The following RWDD2B variants were observed in gnomAD, a reference collection of about 807,000 sequenced individuals.
The protein encoded by RWDD2B is RWD domain-containing protein 2B.
A neutral mutation model predicts 33.6 loss-of-function variants in RWDD2B; 36 were observed. That is an observed-to-expected ratio of 1.07 (90% confidence interval 0.82 to 1.42). The LOEUF is 1.42. Ranked by LOEUF, RWDD2B falls within the 40% of genes most tolerant of loss-of-function variation. The probability of loss-of-function intolerance (pLI) is 0.00; values close to 1 mark genes in which losing one functional copy is unlikely to be tolerated. For missense variants in RWDD2B, 364 were observed against 377.5 expected (o/e 0.96, Z 0.30); for synonymous variants, 126 against 133.1 (o/e 0.95, Z 0.37).
Position 29,008,126 on chromosome 21 carries a change from A to G in RWDD2B, c.363-3T>C. The G allele has an allele frequency of 1.2e-6, 2 of 1,611,048 alleles. No homozygotes were observed. The highest frequency in any genetic ancestry group is 8.5e-7 in the Non-Finnish European group (1 of 1,178,594). ...GGGATCTACTCAATAATACTGATCT[A>G]ATAGAAAAGATACAAGAAAAATATT... On this transcript the variant is annotated splice_polypyrimidine_tract_variant and splice_region_variant and intron_variant, in intron 3 of 4. Transcript: ENST00000493196.
intron 1 of RWDD2B, among the ~76,000 whole-genome samples, chr21:29,010,435 T>C (rs1451693901): frequency 6.6e-6 from 1 of 151,046 alleles, no homozygotes; most frequent in Non-Finnish European, 1.5e-5. Flanking sequence ...AACGAAACCC[T>C]GTCTCTACTA....
At chr21:29,010,027 T>C (rs1206132923) in intron 1 of RWDD2B, among the ~76,000 whole-genome samples, 1 of 152,186 alleles carries the variant, frequency 6.6e-6, no homozygotes, top group Non-Finnish European at 1.5e-5. Flanking sequence ...AGATATGCCA[T>C]AACTTATTTA....
chr21:29,011,874 C>G, intron 1 of RWDD2B, among the ~76,000 whole-genome samples: 1 of 129,930 alleles, frequency 7.7e-6, no homozygotes. Flanking sequence ...GGCCAGCCGC[C>G]CCGTCCGGGA....
At chr21:29,016,286 C>T (rs899346159) in intron 1 of RWDD2B, among the ~76,000 whole-genome samples, 6 of 151,340 alleles carry the variant, frequency 4.0e-5, no homozygotes, top group Non-Finnish European at 5.9e-5. Context: ...TTTTTTGAGA[C>T]GGAGTTTCGC....
chr21:29,011,989 T>TG (rs1292951881), intron 1 of RWDD2B, among the ~76,000 whole-genome samples: 3 of 107,556 alleles, frequency 2.8e-5, no homozygotes, highest in African/African-American at 3.8e-5. Flanking sequence ...GGGAGGGAGG[T>TG]GGGGGGGTCA....
Position 29,006,360 on chromosome 21 carries a change from T to C in RWDD2B, c.*57A>G. The stretch of plus-strand genomic sequence containing the variant: ...AATTACTTAATCTTTCAAGAAAAAG[T>C]GGGAAAAAAAAATCAAAAGGCCAAC... On this transcript the variant is annotated 3_prime_UTR_variant, in exon 5 of 5. Coordinates refer to ENST00000493196, the MANE Select transcript of RWDD2B (RefSeq NM_016940.3). 1 of 1,134,804 alleles carries C rather than the reference T, an allele frequency of 8.8e-7. No individual in the cohort carries two copies. Among genetic ancestry groups the C allele is most frequent in the Non-Finnish European group, 1.3e-6 (1 of 790,118 alleles). The allele number at this position is 1,134,804 out of a possible 1,614,324, so 70.3% of individuals were successfully genotyped here.
intron 1 of RWDD2B, among the ~76,000 whole-genome samples, chr21:29,009,932 A>G (rs1296131660): frequency 6.6e-6 from 1 of 152,116 alleles, no homozygotes; most frequent in African/African-American, 2.4e-5. Context: ...CTCCCCACCA[A>G]ATATATTTTG....
chr21:29,006,391 C>T lies in RWDD2B; in HGVS notation c.*26G>A. 7.0e-7 allele frequency: 1 copy of T among 1,426,168 alleles called. No individual in the cohort carries two copies. Among genetic ancestry groups the T allele is most frequent in the Non-Finnish European group, 9.6e-7 (1 of 1,036,994 alleles). The allele number at this position is 1,426,168 out of a possible 1,614,324, so 88.3% of individuals were successfully genotyped here. The stretch of plus-strand genomic sequence containing the variant: ...AAAAAAATCAAAAGGCCAACAGTGG[C>T]AAGATACTTTCAACTACTCTTGATG... On this transcript the variant is annotated 3_prime_UTR_variant, in exon 5 of 5. Transcript: ENST00000493196.
intron 4 of RWDD2B, among the ~76,000 whole-genome samples, chr21:29,007,204 G>T (rs563270109): frequency 6.6e-6 from 1 of 152,236 alleles, no homozygotes; most frequent in Non-Finnish European, 1.5e-5. Context: ...ATCCATGGAA[G>T]TGGATGGGGT....
intron 1 of RWDD2B, among the ~76,000 whole-genome samples, chr21:29,012,694 T>C (rs1286174289): frequency 6.6e-6 from 1 of 152,114 alleles, no homozygotes; most frequent in Non-Finnish European, 1.5e-5. Context: ...CTTGTTTATC[T>C]GCTGACCTTC....
At chr21:29,011,753 C>G (rs1349318455) in intron 1 of RWDD2B, among the ~76,000 whole-genome samples, 1 of 121,062 alleles carries the variant, frequency 8.3e-6, no homozygotes, top group Non-Finnish European at 1.8e-5. Flanking sequence ...CCGCCCCGTC[C>G]GGGAGGGAGG....
At chr21:29,017,465 A>G (rs1385033592) in intron 1 of RWDD2B, among the ~76,000 whole-genome samples, 2 of 151,990 alleles carry the variant, frequency 1.3e-5, no homozygotes, top group Non-Finnish European at 2.9e-5. Context: ...TACAAAAATT[A>G]GCCAGGTGTG....
intron 1 of RWDD2B, 40 bp from the exon 2 acceptor site, chr21:29,008,661 A>G (rs758434057): frequency 1.5e-5 from 20 of 1,359,414 alleles, no homozygotes; most frequent in East Asian, 7.0e-5. Context: ...TACATATGCA[A>G]TCTTGGAAGA....
chr21:29,008,686 C>G (rs932058429), intron 1 of RWDD2B, 65 bp from the exon 2 acceptor site: 2 of 996,856 alleles, frequency 2.0e-6, no homozygotes, highest in Non-Finnish European at 3.0e-6. Context: ...AATACATCAA[C>G]ATGTGTACTT....
intron 1 of RWDD2B, among the ~76,000 whole-genome samples, chr21:29,012,825 T>G (rs982984304): frequency 1.3e-5 from 2 of 152,194 alleles, no homozygotes; most frequent in African/African-American, 4.8e-5. Flanking sequence ...ATTTCTGCAT[T>G]TAAATATTTG....
rs1208269460 is a variant in RWDD2B at position 29,010,573 on chromosome 21, C to T, written c.68-1952G>A. On this transcript the variant is annotated intron_variant, in intron 1 of 4. Transcript: ENST00000493196. ...AGTGAGTTGAGATCGTGCCATTGCA[C>T]TCCAGCCTGGGCAAAAAGAGTGAAA... 1.9e-4 allele frequency among the ~76,000 whole-genome samples: 5 copies of T among 25,936 alleles called. No individual in the cohort carries two copies. In the South Asian group the frequency reaches 5.2e-3, roughly 27 times the overall value. 17.0% of individuals were successfully genotyped at this position (25,936 alleles called of 152,430 possible).
rs771065929 is a variant in RWDD2B, at chr21:29,008,663, C to T, written c.68-42G>A. The T allele has an allele frequency of 2.2e-6, 3 of 1,356,412 alleles. No individual in the cohort carries two copies. The South Asian group carries it at 3.7e-5, about 17-fold the overall frequency. The allele number at this position is 1,356,412 out of a possible 1,614,324, so 84.0% of individuals were successfully genotyped here. A position where few individuals can be genotyped will look rare whatever the true frequency, so the allele number is the denominator to read the frequency against. On this transcript the variant is annotated intron_variant, in intron 1 of 4. Transcript: ENST00000493196. The stretch of plus-strand genomic sequence containing the variant: ...AAGAGAGACAATTTACATATGCAAT[C>T]TTGGAAGAAATGAATACATCAACAT...
chr21:29,006,475 A>G lies in RWDD2B; in HGVS notation c.902T>C (p.Leu301Ser), dbSNP rs985212982. The G allele has an allele frequency of 6.2e-6, 10 of 1,613,996 alleles. No homozygotes were observed. Among genetic ancestry groups the G allele is most frequent in the Non-Finnish European group, 8.5e-6 (10 of 1,179,978 alleles). Reference sequence around the variant, plus strand: ...AACATCCCCACATCCTTTGGTGTTTAAGAACTGATAGAGCTGACCAAAGTC... The same window carrying G: ...AACATCCCCACATCCTTTGGTGTTTGAGAACTGATAGAGCTGACCAAAGTC... The part of the protein sequence containing the change: ...HMDFGQLYQF[L>S]NTKGCGDVFQ... The change falls in exon 5 of 5, where the codon TTA (leucine) becomes TCA (serine). Residue 301 changes from leucine to serine, a missense_variant. By Grantham distance (145) the Leu-to-Ser change is moderately radical. Coordinates refer to ENST00000493196, the MANE Select transcript of RWDD2B (RefSeq NM_016940.3).
At chr21:29,014,835 AAAAT>A (rs2084882042) in intron 1 of RWDD2B, among the ~76,000 whole-genome samples, 1 of 152,292 alleles carries the variant, frequency 6.6e-6, no homozygotes, top group South Asian at 2.1e-4. Flanking sequence ...TAAAAAAATA[AAAAT>A]AAATAAAGTA....
Sources: allele counts gnomAD v4.1 joint callset (sites outside exome capture counted in the v4.1 genomes callset), GRCh38; gene constraint gnomAD v4.1.1; transcripts MANE v1.5; gene names NCBI Gene and HGNC (gene_info 2026-07-23, HGNC 2026-07-21).